WDR43: variants seen among roughly 807,000 people sequenced by gnomAD.
WDR43 encodes WD repeat-containing protein 43.
A neutral mutation model predicts 91.4 loss-of-function variants in WDR43; 13 were observed. That is an observed-to-expected ratio of 0.14 (90% CI 0.09 to 0.23). The LOEUF (loss-of-function observed/expected upper bound fraction) is 0.23, where lower values mean the gene tolerates loss of function less well. Ranked by LOEUF, WDR43 falls within the 10% of genes least tolerant of loss-of-function variation. The pLI is 1.00. For synonymous variants in WDR43, 331 were observed against 287.9 expected, an observed-to-expected ratio of 1.15 and a Z score of -1.51; for missense variants, 780 against 809.4, an observed-to-expected ratio of 0.96 and a Z score of 0.44.
Position 28,946,885 on chromosome 2 carries a change from AT to A in WDR43, c.*108del, listed in dbSNP as rs1671553147. ...GCCAAGGACCGCTGCACATTTCCAAATTCACAGCAGTGGATCCCATGCCACT... is the reference window on the plus strand; with the variant it reads ...GCCAAGGACCGCTGCACATTTCCAAATCACAGCAGTGGATCCCATGCCACT... On this transcript the variant is annotated 3_prime_UTR_variant, in exon 18 of 18. Transcript: ENST00000407426. The A allele has an allele frequency of 7.5e-7, 1 of 1,334,366 alleles. No homozygotes were observed. The highest frequency in any genetic ancestry group is 1.5e-5 in the African/African-American group (1 of 67,820). The allele number at this position is 1,334,366 out of a possible 1,614,324, so 82.7% of individuals were successfully genotyped here.
At chr2:28,914,952 A>G (rs1313084966) in intron 5 of WDR43, among the ~76,000 whole-genome samples, 1 of 152,108 alleles carries the variant, frequency 6.6e-6, no homozygotes, top group East Asian at 1.9e-4. Flanking sequence ...TTGGTGATAC[A>G]AAGTCATCAA....
chr2:28,915,758 A>G (rs1670894453), intron 5 of WDR43, among the ~76,000 whole-genome samples: 1 of 151,922 alleles, frequency 6.6e-6, no homozygotes, highest in Non-Finnish European at 1.5e-5. Flanking sequence ...GAAGATTAAA[A>G]GATAAATCAA....
At position 28,917,985 on chromosome 2, in the gene WDR43, A is replaced by G. The variant is rs1440312180; in HGVS notation, c.839A>G (p.Asn280Ser). Reference sequence around the variant, plus strand: ...TATATTGACTTAACTTTGTCAGAAAACAAAGAAGAGGTAAATGGCTCGATT... The same window carrying G: ...TATATTGACTTAACTTTGTCAGAAAGCAAAGAAGAGGTAAATGGCTCGATT... ...PVYIDLTLSENKEEPVKLAVV... is the reference protein window; with the variant it reads ...PVYIDLTLSESKEEPVKLAVV... The change falls in exon 6 of 18, where the codon AAC becomes AGC. Residue 280 changes from asparagine to serine, a missense_variant. Transcript: ENST00000407426. The G allele has an allele frequency of 6.4e-7, 1 of 1,574,542 alleles. No homozygotes were observed. Among genetic ancestry groups the G allele is most frequent in the Non-Finnish European group, 8.6e-7 (1 of 1,159,274 alleles).
intron 9 of WDR43, chr2:28,927,185 G>GT: frequency 1.9e-6 from 1 of 515,944 alleles, no homozygotes. Context: ...TGTAAAATGT[G>GT]TAACTTCACT....
intron 13 of WDR43, 50 bp from the exon 14 acceptor site, chr2:28,937,881 A>C (rs752646103): frequency 6.3e-7 from 1 of 1,589,036 alleles, no homozygotes; most frequent in Admixed American, 1.7e-5. Context: ...GCTCAGTTGA[A>C]TTTACTTTTG....
At chr2:28,927,219 T>C (rs938124207) in intron 9 of WDR43, 1 of 514,440 alleles carries the variant, frequency 1.9e-6, no homozygotes, top group Non-Finnish European at 3.9e-6. Context: ...AAAATCATTG[T>C]GTCTTTATGT....
chr2:28,915,654 A>T (rs961736455), intron 5 of WDR43, among the ~76,000 whole-genome samples: 2 of 152,234 alleles, frequency 1.3e-5, no homozygotes, highest in Non-Finnish European at 2.9e-5. Context: ...GTAAATTTGC[A>T]TGGGGATAGG....
intron 11 of WDR43, 72 bp downstream of exon 11, chr2:28,929,782 T>G: frequency 6.8e-7 from 1 of 1,472,582 alleles, no homozygotes; most frequent in Non-Finnish European, 9.3e-7. Context: ...CATAGCACAT[T>G]CACAGCTGTG....
chr2:28,943,750 T>C lies in WDR43; in HGVS notation c.1804+1369T>C, dbSNP rs950211301. On this transcript the variant is annotated intron_variant, in intron 16 of 17. Transcript: ENST00000407426. ...TTGTTAGAAACACTGATAATTTATA[T>C]GGAACAAAAAATTTTACCATTATCA... Among the ~76,000 whole-genome samples the C allele has an allele frequency of 1.4e-4, 21 of 152,202 alleles. No homozygotes were observed. The South Asian group carries it at 1.7e-3, about 12-fold the overall frequency.
chr2:28,923,017 T>C (rs1671064485), intron 7 of WDR43, 34 bp downstream of exon 7: 1 of 1,584,400 alleles, frequency 6.3e-7, no homozygotes, highest in Admixed American at 1.7e-5. Flanking sequence ...AGAAATTTGT[T>C]TCTTTCCCTG....
At chr2:28,941,001 G>A (rs569862370) in intron 14 of WDR43, among the ~76,000 whole-genome samples, 1 of 152,216 alleles carries the variant, frequency 6.6e-6, no homozygotes, top group South Asian at 2.1e-4. Context: ...TGTTCTACTG[G>A]TCTCTGGGAG....
intron 13 of WDR43, among the ~76,000 whole-genome samples, chr2:28,937,287 A>G (rs112698203): frequency 0.017 from 2,660 of 152,288 alleles, 71 homozygotes; most frequent in African/African-American, 0.06. Context: ...TGTTTTAGCT[A>G]AAAGACTAAA....
chr2:28,913,144 CAG>C (rs982323278), intron 4 of WDR43, among the ~76,000 whole-genome samples: 2 of 151,880 alleles, frequency 1.3e-5, no homozygotes, highest in African/African-American at 4.8e-5. Context: ...TTAGTAGAGA[CAG>C]GGTTTCACCG....
At chr2:28,914,239 C>G (rs192506449) in intron 5 of WDR43, 31 bp downstream of exon 5, 91 of 1,594,588 alleles carry the variant, frequency 5.7e-5, no homozygotes, top group Non-Finnish European at 7.7e-5. Flanking sequence ...TGGGAGGTAG[C>G]ATTGAAAGAA....
chr2:28,922,795 GT>G, intron 6 of WDR43, 123 bp from the exon 7 acceptor site: 2 of 373,412 alleles, frequency 5.4e-6, no homozygotes, highest in African/African-American at 3.4e-5. Context: ...GATTCTTGCT[GT>G]GTTTTTTTTT....
rs776901274 is a variant in WDR43, at chr2:28,894,804, G to A, written c.106G>A (p.Gly36Ser). 6 of 1,610,636 alleles carry A rather than the reference G, an allele frequency of 3.7e-6. No individual in the cohort carries two copies. In the African/African-American group the frequency reaches 4.0e-5, roughly 11 times the overall value. ...CTACTTCGCTTTGGCCTCTACCGAC[G>A]GTCACTTACGAGTATGGGAGACGGC... The part of the protein sequence containing the change: ...QAYFALASTD[G>S]HLRVWETANN... Residue 36 changes from glycine to serine, a missense_variant, in exon 1 of 18, where the codon GGT becomes AGT. Gly to Ser is a moderately conservative substitution (Grantham distance 56, BLOSUM62 0). Coordinates refer to ENST00000407426, the MANE Select transcript of WDR43 (RefSeq NM_015131.3).
intron 4 of WDR43, chr2:28,913,713 A>G (rs749593488): frequency 1.1e-5 from 6 of 529,238 alleles, no homozygotes; most frequent in South Asian, 7.0e-5. Context: ...TGAGAGTAAA[A>G]TGAGGACCTA....
chr2:28,919,065 C>T (rs1670971046), intron 6 of WDR43, among the ~76,000 whole-genome samples: 1 of 152,086 alleles, frequency 6.6e-6, no homozygotes, highest in African/African-American at 2.4e-5. Context: ...CAGGACCTGC[C>T]TGGACAACAT....
intron 14 of WDR43, among the ~76,000 whole-genome samples, chr2:28,939,716 A>G (rs980568519): frequency 1.3e-5 from 2 of 152,200 alleles, no homozygotes; most frequent in Admixed American, 6.5e-5. Context: ...TTGCTTTACT[A>G]ATTTTTGTGT....
Sources: allele counts gnomAD v4.1 joint callset (sites outside exome capture counted in the v4.1 genomes callset), GRCh38; gene constraint gnomAD v4.1.1; transcripts MANE v1.5; gene names NCBI Gene and HGNC (gene_info 2026-07-23, HGNC 2026-07-21).